ANGPT1: variants seen among roughly 807,000 people sequenced by gnomAD.
ANGPT1 encodes the protein angiopoietin-1.
ANGPT1 carries 17 observed loss-of-function variants against 62.2 expected under a neutral mutation model. The ratio of observed to expected loss-of-function variants is 0.27; its 90% CI spans 0.19 to 0.41. ANGPT1 has a LOEUF of 0.41. Ranked by LOEUF, ANGPT1 falls within the 10% of genes least tolerant of loss-of-function variation. The pLI, the probability that ANGPT1 is intolerant of heterozygous loss-of-function variation, is 1.00. For synonymous variants in ANGPT1, 199 were observed against 198.9 expected, an observed-to-expected ratio of 1.00 and a Z score of 0.00; for missense variants, 478 against 594.9, an observed-to-expected ratio of 0.80 and a Z score of 2.04.
intron 4 of ANGPT1, among the ~76,000 whole-genome samples, chr8:107,305,910 C>T (rs984163068): frequency 6.6e-6 from 1 of 151,988 alleles, no homozygotes; most frequent in Non-Finnish European, 1.5e-5. Context: ...GTTTCATCCA[C>T]AGCTTACCTT....
intron 6 of ANGPT1, among the ~76,000 whole-genome samples, chr8:107,285,162 G>C (rs964130832): frequency 2.6e-5 from 4 of 152,116 alleles, no homozygotes; most frequent in Admixed American, 6.5e-5. Flanking sequence ...GTTTGCTTTT[G>C]AAAATGTTTC....
chr8:107,406,372 G>A (rs1428500688), intron 1 of ANGPT1, among the ~76,000 whole-genome samples: 2 of 151,782 alleles, frequency 1.3e-5, no homozygotes, highest in Non-Finnish European at 2.9e-5. Flanking sequence ...AAGCAAAAAT[G>A]CATGACAATA....
At chr8:107,457,507 G>GA in intron 1 of ANGPT1, among the ~76,000 whole-genome samples, 1 of 151,760 alleles carries the variant, frequency 6.6e-6, no homozygotes, top group African/African-American at 2.4e-5. Flanking sequence ...TCGCTGAGGT[G>GA]AAAATTGAAC....
intron 1 of ANGPT1, among the ~76,000 whole-genome samples, chr8:107,406,907 T>C (rs573143791): frequency 4.1e-4 from 62 of 150,886 alleles, no homozygotes; most frequent in African/African-American, 1.5e-3. Context: ...AAAGCAATTC[T>C]ACATAAAGTC....
chr8:107,360,458 T>A (rs1352690678), intron 1 of ANGPT1, among the ~76,000 whole-genome samples: 1 of 152,176 alleles, frequency 6.6e-6, no homozygotes, highest in Admixed American at 6.5e-5. Flanking sequence ...GGTCACTCTC[T>A]TTCCGCTTTA....
chr8:107,355,961 T>C (rs970048282), intron 1 of ANGPT1, among the ~76,000 whole-genome samples: 3 of 152,198 alleles, frequency 2.0e-5, no homozygotes, highest in Non-Finnish European at 4.4e-5. Flanking sequence ...GCCTGGCACA[T>C]AGTGGGGTCT....
chr8:107,487,655 A>G (rs13257142), intron 1 of ANGPT1, among the ~76,000 whole-genome samples: 67,138 of 151,918 alleles, frequency 0.44, 16,299 homozygotes, highest in East Asian at 0.76. Context: ...GCACAGCTTC[A>G]GTGTATTTGG....
At chr8:107,320,905 A>T (rs1020961769) in intron 4 of ANGPT1, among the ~76,000 whole-genome samples, 3 of 152,156 alleles carry the variant, frequency 2.0e-5, no homozygotes, top group African/African-American at 7.2e-5. Context: ...GAGCCTCCCC[A>T]TGTGTACATT....
chr8:107,348,730 T>G (rs931335887), intron 1 of ANGPT1, among the ~76,000 whole-genome samples: 2 of 152,178 alleles, frequency 1.3e-5, no homozygotes, highest in Non-Finnish European at 2.9e-5. Flanking sequence ...AATTTGTCAT[T>G]TTGGATTCCA....
chr8:107,257,522 G>A (rs1194882230), intron 8 of ANGPT1, among the ~76,000 whole-genome samples: 2 of 152,054 alleles, frequency 1.3e-5, no homozygotes, highest in Admixed American at 6.6e-5. Context: ...TCTTTTCTGT[G>A]GTAAAATGTA....
intron 1 of ANGPT1, among the ~76,000 whole-genome samples, chr8:107,351,967 T>G (rs1815943093): frequency 6.6e-6 from 1 of 152,140 alleles, no homozygotes; most frequent in Non-Finnish European, 1.5e-5. Flanking sequence ...TTATTTTCCT[T>G]ATTTCACTGA....
rs570526885 is a variant in ANGPT1 at position 107,249,765 on chromosome 8, CT to C, written c.*2089del. 1.3e-5 allele frequency: 2 copies of C among 151,944 alleles called. No homozygotes were observed. Among genetic ancestry groups the C allele is most frequent in the Admixed American group, 6.6e-5 (1 of 15,218 alleles). The allele number at this position is 151,944 out of a possible 1,614,324, so 9.4% of individuals were successfully genotyped here. ...AACAAAACAGTAAATATCATGCTTT[CT>C]TTTTTTATTATTTTATTTTGTTTTT... On this transcript the variant is annotated 3_prime_UTR_variant, in exon 9 of 9. Coordinates refer to ENST00000517746, the MANE Select transcript of ANGPT1 (RefSeq NM_001146.5).
Position 107,346,933 on chromosome 8 carries a change from G to A in ANGPT1, c.453+9C>T, listed in dbSNP as rs1056124774. On this transcript the variant is annotated intron_variant, in intron 2 of 8. Coordinates refer to ENST00000517746, the MANE Select transcript of ANGPT1 (RefSeq NM_001146.5). The stretch of plus-strand genomic sequence containing the variant: ...TGTTGAGTCTGTGGACTCTGGCCCT[G>A]GGGTGTACCTGGGTCTCAACATCTG... The A allele has an allele frequency of 6.2e-7, 1 of 1,606,828 alleles. No individual in the cohort carries two copies. Among genetic ancestry groups the A allele is most frequent in the Non-Finnish European group, 8.5e-7 (1 of 1,176,536 alleles).
At chr8:107,432,419 C>T (rs1340188118) in intron 1 of ANGPT1, among the ~76,000 whole-genome samples, 3 of 152,168 alleles carry the variant, frequency 2.0e-5, no homozygotes, top group Non-Finnish European at 2.9e-5. Context: ...AATCCCAGCA[C>T]TTTGGGAGGC....
intron 1 of ANGPT1, among the ~76,000 whole-genome samples, chr8:107,420,941 T>C (rs1810880873): frequency 6.6e-6 from 1 of 152,152 alleles, no homozygotes; most frequent in Admixed American, 6.6e-5. Flanking sequence ...ATACTCCTGC[T>C]AACATTTATA....
intron 1 of ANGPT1, among the ~76,000 whole-genome samples, chr8:107,495,938 AACT>A (rs1813081247): frequency 1.3e-5 from 2 of 152,312 alleles, no homozygotes; most frequent in South Asian, 4.1e-4. Context: ...GAAACTGTAG[AACT>A]ACTAAGTTCC....
At chr8:107,258,341 T>A (rs1813417416) in intron 8 of ANGPT1, among the ~76,000 whole-genome samples, 1 of 152,228 alleles carries the variant, frequency 6.6e-6, no homozygotes, top group Non-Finnish European at 1.5e-5. Flanking sequence ...GCCAAAAGTA[T>A]TATTGTAGTC....
intron 3 of ANGPT1, among the ~76,000 whole-genome samples, chr8:107,326,836 T>C (rs1815301816): frequency 6.6e-6 from 1 of 152,142 alleles, no homozygotes. Flanking sequence ...CATGCAGATA[T>C]TAAGTGTCAG....
chr8:107,277,598 A>C (rs1171673408), intron 7 of ANGPT1, among the ~76,000 whole-genome samples: 1 of 152,194 alleles, frequency 6.6e-6, no homozygotes, highest in African/African-American at 2.4e-5. Context: ...TCCATTAAAA[A>C]ACCAAAAACA....
Sources: gnomAD v4.1 joint callset for allele counts (sites outside exome capture counted in the v4.1 genomes callset) on GRCh38, gnomAD v4.1.1 for gene constraint, MANE v1.5 for transcripts, NCBI Gene and HGNC (gene_info 2026-07-23, HGNC 2026-07-21) for gene names.